Variants in CACNA1C observed in about 807,000 individuals in gnomAD.
CACNA1C encodes voltage-dependent L-type calcium channel subunit alpha-1C.
A neutral mutation model predicts 229.0 loss-of-function variants in CACNA1C; 30 were observed. That is an observed-to-expected ratio of 0.13 (90% CI 0.10 to 0.18). The LOEUF (loss-of-function observed/expected upper bound fraction) is 0.18. Ranked by LOEUF, CACNA1C falls within the 10% of genes least tolerant of loss-of-function variation. The pLI, the probability that CACNA1C is intolerant of heterozygous loss-of-function variation, is 1.00. For missense variants in CACNA1C, 1,658 were observed against 2,845.0 expected (o/e 0.58, Z 9.49); for synonymous variants, 1,114 against 1,132.5 (o/e 0.98, Z 0.33).
At chr12:2,306,138 G>A (rs961474411) in intron 3 of CACNA1C, among the ~76,000 whole-genome samples, 4 of 152,356 alleles carry the variant, frequency 2.6e-5, no homozygotes, top group East Asian at 1.9e-4. Context: ...TCTGAGGGGA[G>A]CCCTGCTGTG....
chr12:2,484,239 C>T (rs933227576), intron 5 of CACNA1C, among the ~76,000 whole-genome samples: 8 of 152,128 alleles, frequency 5.3e-5, no homozygotes, highest in Non-Finnish European at 1.2e-4. Context: ...GAAACAGATG[C>T]TTGGGCTGAG....
In CACNA1C at chr12:2,215,551, C is replaced by A. The variant is rs1276085449; in HGVS notation, c.477+95121C>A. Among the ~76,000 whole-genome samples the A allele has an allele frequency of 1.3e-5, 2 of 152,204 alleles. No homozygotes were observed. The highest frequency in any genetic ancestry group is 2.4e-5 in the African/African-American group (1 of 41,454). On this transcript the variant is annotated intron_variant, in intron 3 of 46. Coordinates refer to ENST00000399655, the MANE Select transcript of CACNA1C (RefSeq NM_000719.7). This position sits in a 1 kb window ranked among gnomAD's most constrained non-coding sequence, Gnocchi z 5.0. ...CAGAGCTCCTACCACAGTCCCTGTCCCCCACACCGTTAACACTTTTACATC... is the reference window on the plus strand; with the variant it reads ...CAGAGCTCCTACCACAGTCCCTGTCACCCACACCGTTAACACTTTTACATC...
At chr12:2,674,067 G>A (rs2096676927) in intron 38 of CACNA1C, among the ~76,000 whole-genome samples, 1 of 152,256 alleles carries the variant, frequency 6.6e-6, no homozygotes, top group African/African-American at 2.4e-5. Flanking sequence ...ATCGACAGAT[G>A]TACCCTCCAA....
intron 1 of CACNA1C, among the ~76,000 whole-genome samples, chr12:2,038,455 C>T (rs2049523540): frequency 6.6e-6 from 1 of 152,158 alleles, no homozygotes; most frequent in Non-Finnish European, 1.5e-5. Context: ...AGTAAGCCCT[C>T]ATTATTGCTC....
At position 2,319,272 on chromosome 12, in the gene CACNA1C, G is replaced by A. The variant is rs2095848349; in HGVS notation, c.478-129704G>A. ...AGTGTACATGGGGGCGGCGTGCATG[G>A]TGGGTGGCCTGTGGGGGCAGCGTGC... On this transcript the variant is annotated intron_variant, in intron 3 of 46. Transcript: ENST00000399655. This position sits in a 1 kb window ranked among gnomAD's most constrained non-coding sequence, Gnocchi z 4.0. Among the ~76,000 whole-genome samples, 1 of 152,028 alleles carries A rather than the reference G, an allele frequency of 6.6e-6. No homozygotes were observed. The highest frequency in any genetic ancestry group is 1.5e-5 in the Non-Finnish European group (1 of 67,964).
intron 3 of CACNA1C, among the ~76,000 whole-genome samples, chr12:2,389,509 C>T (rs1264886590): frequency 6.6e-6 from 1 of 152,192 alleles, no homozygotes; most frequent in Non-Finnish European, 1.5e-5. Flanking sequence ...AGATTGTGAT[C>T]CTGTCCTCTG....
At chr12:2,644,915 T>C (rs958126633) in intron 30 of CACNA1C, among the ~76,000 whole-genome samples, 12 of 152,196 alleles carry the variant, frequency 7.9e-5, no homozygotes, top group Non-Finnish European at 1.5e-4. Context: ...TCGTCTTTCC[T>C]TTCTGTTTGC....
intron 1 of CACNA1C, among the ~76,000 whole-genome samples, chr12:2,105,317 G>C (rs12580311): frequency 6.6e-6 from 1 of 152,158 alleles, no homozygotes; most frequent in Non-Finnish European, 1.5e-5. Context: ...GGGAGTACTC[G>C]TCAGTTGGGT....
intron 3 of CACNA1C, among the ~76,000 whole-genome samples, chr12:2,157,195 A>G (rs904889891): frequency 1.7e-4 from 26 of 152,252 alleles, no homozygotes; most frequent in African/African-American, 6.3e-4. Context: ...GGTGGTGCAT[A>G]TGTTAATTAG....
intron 38 of CACNA1C, among the ~76,000 whole-genome samples, chr12:2,671,186 T>G (rs1248830031): frequency 6.6e-6 from 1 of 151,856 alleles, no homozygotes; most frequent in Admixed American, 6.6e-5. Context: ...GGCTAATTTT[T>G]GTATTTTTAG....
At chr12:2,170,115 G>A (rs1321840004) in intron 3 of CACNA1C, among the ~76,000 whole-genome samples, 1 of 152,214 alleles carries the variant, frequency 6.6e-6, no homozygotes, top group Non-Finnish European at 1.5e-5. Context: ...ATGCTTAGGA[G>A]ATGAAAGCCT....
chr12:2,552,353 T>C (rs368003555), intron 10 of CACNA1C, among the ~76,000 whole-genome samples: 3 of 152,156 alleles, frequency 2.0e-5, no homozygotes, highest in Admixed American at 6.5e-5. Context: ...GAAGGAAAAG[T>C]AAGTGTAAAG....
At chr12:2,122,849 C>T (rs1017353768) in intron 3 of CACNA1C, among the ~76,000 whole-genome samples, 6 of 152,208 alleles carry the variant, frequency 3.9e-5, no homozygotes, top group African/African-American at 7.2e-5. Flanking sequence ...GTGCAGCGAC[C>T]GCTGAGGCCT....
At chr12:2,606,889 C>A in intron 25 of CACNA1C, 95 bp from the exon 26 acceptor site, 2 of 1,412,110 alleles carry the variant, frequency 1.4e-6, no homozygotes, top group Non-Finnish European at 2.0e-6. Flanking sequence ...TCAAGCCAGG[C>A]AGTCCCATCC....
intron 3 of CACNA1C, among the ~76,000 whole-genome samples, chr12:2,271,534 A>C (rs1205561533): frequency 1.3e-5 from 2 of 152,216 alleles, no homozygotes; most frequent in African/African-American, 4.8e-5. Context: ...TAGTTCCTCG[A>C]TACCCTAATC....
chr12:2,028,977 C>T (rs986959876), intron 1 of CACNA1C, among the ~76,000 whole-genome samples: 6 of 152,078 alleles, frequency 3.9e-5, no homozygotes, highest in African/African-American at 9.7e-5. Flanking sequence ...TGAGGATGAC[C>T]GTGGTCATGG....
intron 3 of CACNA1C, among the ~76,000 whole-genome samples, chr12:2,362,617 G>A (rs146409741): frequency 1.6e-4 from 24 of 152,288 alleles, no homozygotes; most frequent in African/African-American, 5.1e-4. Flanking sequence ...GCAGAGCCCC[G>A]TTCTGATCGT....
At chr12:2,012,357 G>A (rs1466714708) in intron 1 of CACNA1C, among the ~76,000 whole-genome samples, 2 of 152,188 alleles carry the variant, frequency 1.3e-5, no homozygotes, top group African/African-American at 4.8e-5. Context: ...TCTGCCTGTC[G>A]TGTAAATAAA....
chr12:2,204,565 T>C (rs1475612960), intron 3 of CACNA1C, among the ~76,000 whole-genome samples: 2 of 151,244 alleles, frequency 1.3e-5, no homozygotes, highest in African/African-American at 2.4e-5. Context: ...AATGATAGAC[T>C]GGATTAAGAA....
Sources: allele counts gnomAD v4.1 joint callset (sites outside exome capture counted in the v4.1 genomes callset), GRCh38; gene constraint gnomAD v4.1.1; non-coding constraint Gnocchi (gnomAD v3.1); transcripts MANE v1.5; gene names NCBI Gene and HGNC (gene_info 2026-07-23, HGNC 2026-07-21).